The following RAB33B variants were observed in gnomAD, a reference collection of about 807,000 sequenced individuals.
RAB33B encodes RAB33B, member RAS oncogene family, also known as ras-related protein Rab-33B.
Under a neutral mutation model 15.0 loss-of-function variants are expected in RAB33B, and 6 were observed. That is an observed-to-expected ratio of 0.40 (90% CI 0.22 to 0.79). The LOEUF is 0.79. RAB33B is among the 30% of genes least tolerant of loss of function. RAB33B has a pLI of 0.37. For synonymous variants in RAB33B, 117 were observed against 108.3 expected, an observed-to-expected ratio of 1.08 and a Z score of -0.50; for missense variants, 257 against 296.4, an observed-to-expected ratio of 0.87 and a Z score of 0.98.
chr4:139,466,251 T>C (rs1181376040), intron 1 of RAB33B, among the ~76,000 whole-genome samples: 1 of 152,228 alleles, frequency 6.6e-6, no homozygotes, highest in East Asian at 1.9e-4. Flanking sequence ...TTTGTTTTTA[T>C]AAATGACATG....
chr4:139,443,909 G>A, the RAB33B span, among the ~76,000 whole-genome samples: 2 of 152,122 alleles, frequency 1.3e-5, no homozygotes, highest in Non-Finnish European at 2.9e-5. Context: ...GCAAGATAAC[G>A]TTGATTCTCC....
chr4:139,453,846 T>C, upstream of RAB33B: 1 of 190,272 alleles, frequency 5.3e-6, no homozygotes, highest in Non-Finnish European at 1.1e-5. Context: ...GTGGCGGGGC[T>C]GGGTCAGTCA....
intron 1 of RAB33B, among the ~76,000 whole-genome samples, chr4:139,462,724 GTC>G (rs1750198830): frequency 6.6e-6 from 1 of 152,192 alleles, no homozygotes; most frequent in Admixed American, 6.5e-5. Context: ...GCTTTCTGGA[GTC>G]TCTCTCAACC....
rs1352876088 is a variant in RAB33B, at chr4:139,476,074, G to T, written c.*2948G>T. 1 of 152,004 alleles carries T rather than the reference G, an allele frequency of 6.6e-6. No individual in the cohort carries two copies. The highest frequency in any genetic ancestry group is 1.5e-5 in the Non-Finnish European group (1 of 68,016). The allele number at this position is 152,004 out of a possible 1,614,324, so 9.4% of individuals were successfully genotyped here. On this transcript the variant is annotated 3_prime_UTR_variant, in exon 2 of 2. Transcript: ENST00000305626. ...GACAATTATTTTCTTGTATACATTT[G>T]AGGTCAAAGAACACTTCAGGAAAAA...
chr4:139,459,720 G>A (rs1236677794), intron 1 of RAB33B, among the ~76,000 whole-genome samples: 4 of 150,618 alleles, frequency 2.7e-5, no homozygotes, highest in East Asian at 2.0e-4. Context: ...TGCAACCTCC[G>A]CCTTCAGGTT....
At chr4:139,449,679 C>T (rs1205401244), upstream of RAB33B, 3 of 152,092 alleles carry the variant, frequency 2.0e-5, no homozygotes, top group Non-Finnish European at 4.4e-5. Flanking sequence ...ACTCGACTGC[C>T]TTCCTTTCTC....
intron 1 of RAB33B, among the ~76,000 whole-genome samples, chr4:139,470,453 G>A (rs1321470469): frequency 1.3e-5 from 2 of 152,194 alleles, no homozygotes; most frequent in Non-Finnish European, 2.9e-5. Context: ...AGAGTAGTGG[G>A]GTACCCTCTG....
At chr4:139,466,094 C>T (rs1750278899) in intron 1 of RAB33B, among the ~76,000 whole-genome samples, 1 of 152,190 alleles carries the variant, frequency 6.6e-6, no homozygotes, top group Admixed American at 6.5e-5. Context: ...ATCCTCTCAC[C>T]TCAGGCTCCC....
At chr4:139,439,384 T>G in the RAB33B span, among the ~76,000 whole-genome samples, 1 of 152,214 alleles carries the variant, frequency 6.6e-6, no homozygotes, top group Non-Finnish European at 1.5e-5. Flanking sequence ...GCTTCCAAAG[T>G]TTTTGATAAG....
chr4:139,463,070 G>A (rs1275898849), intron 1 of RAB33B, among the ~76,000 whole-genome samples: 4 of 152,238 alleles, frequency 2.6e-5, no homozygotes, highest in Non-Finnish European at 5.9e-5. Flanking sequence ...GGAGGCTGAA[G>A]TGGGAGGATT....
chr4:139,445,945 T>C, the RAB33B span, among the ~76,000 whole-genome samples: 91 of 152,320 alleles, frequency 6.0e-4, no homozygotes, highest in African/African-American at 8.7e-4. Context: ...GGCCTGTTAC[T>C]GGGCTTTGGC....
Position 139,476,512 on chromosome 4 carries a change from A to T in RAB33B, c.*3386A>T, listed in dbSNP as rs1363819298. The T allele has an allele frequency of 6.6e-6, 1 of 152,242 alleles. No individual in the cohort carries two copies. Among genetic ancestry groups the T allele is most frequent in the Non-Finnish European group, 1.5e-5 (1 of 68,044 alleles). The allele number at this position is 152,242 out of a possible 1,614,324, so 9.4% of individuals were successfully genotyped here. A position where few individuals can be genotyped will look rare whatever the true frequency, so the allele number is the denominator to read the frequency against. On this transcript the variant is annotated 3_prime_UTR_variant, in exon 2 of 2. Transcript: ENST00000305626. ...GCACGTTTGCTACAGCCTGTGTGGCAAGGGCGAATGCACTTGGTTTGTTGG... is the reference window on the plus strand; with the variant it reads ...GCACGTTTGCTACAGCCTGTGTGGCTAGGGCGAATGCACTTGGTTTGTTGG...
intron 1 of RAB33B, among the ~76,000 whole-genome samples, chr4:139,467,063 G>A (rs535252305): frequency 6.9e-6 from 1 of 143,964 alleles, no homozygotes; most frequent in African/African-American, 2.6e-5. Flanking sequence ...CTGTCTCCCA[G>A]GCTCAAGTGA....
At chr4:139,448,412 T>C (rs912987491), upstream of RAB33B, 2 of 152,212 alleles carry the variant, frequency 1.3e-5, no homozygotes, top group African/African-American at 4.8e-5. Context: ...TATATACACT[T>C]GTACTAAGAA....
chr4:139,468,616 A>G (rs1235028105), intron 1 of RAB33B, among the ~76,000 whole-genome samples: 1 of 152,182 alleles, frequency 6.6e-6, no homozygotes, highest in African/African-American at 2.4e-5. Flanking sequence ...CAGTGTTATA[A>G]TATTCTGTAT....
the RAB33B span, among the ~76,000 whole-genome samples, chr4:139,447,274 G>A: frequency 6.6e-6 from 1 of 152,128 alleles, no homozygotes. Context: ...CACTTTGCAG[G>A]CCTGGGGCAA....
chr4:139,442,722 T>TG, the RAB33B span, among the ~76,000 whole-genome samples: 6 of 152,196 alleles, frequency 3.9e-5, no homozygotes, highest in Non-Finnish European at 5.9e-5. Context: ...AGCTTGCAGA[T>TG]GGCCTATTGT....
chr4:139,457,345 T>C (rs1249039506), intron 1 of RAB33B, among the ~76,000 whole-genome samples: 1 of 152,242 alleles, frequency 6.6e-6, no homozygotes, highest in African/African-American at 2.4e-5. Context: ...ACTCTAATCC[T>C]TATGCTCCTT....
intron 1 of RAB33B, among the ~76,000 whole-genome samples, chr4:139,471,377 C>CGG (rs1305586931): frequency 2.0e-5 from 3 of 152,182 alleles, no homozygotes; most frequent in Non-Finnish European, 4.4e-5. Flanking sequence ...GAGAGGCTCT[C>CGG]TGTACCACAC....
Sources: allele counts gnomAD v4.1 joint callset (sites outside exome capture counted in the v4.1 genomes callset), GRCh38; gene constraint gnomAD v4.1.1; transcripts MANE v1.5; gene names NCBI Gene and HGNC (gene_info 2026-07-23, HGNC 2026-07-21).